The following LRBA variants were observed in gnomAD, a reference collection of about 807,000 sequenced individuals.
LRBA encodes the protein lipopolysaccharide-responsive and beige-like anchor protein.
A neutral mutation model predicts 330.0 loss-of-function variants in LRBA; 176 were observed. The observed-to-expected ratio is 0.53, with a 90% CI of 0.47 to 0.60. LRBA has a LOEUF of 0.60. LRBA is among the 20% of genes least tolerant of loss of function. The probability of loss-of-function intolerance (pLI) is 0.00; values close to 1 mark genes in which losing one functional copy is unlikely to be tolerated. For missense variants in LRBA, 3,259 were observed against 3,444.8 expected, an observed-to-expected ratio of 0.95 and a Z score of 1.35; for synonymous variants, 1,230 against 1,193.0, an observed-to-expected ratio of 1.03 and a Z score of -0.64.
At chr4:150,470,231 T>C (rs1755929655) in intron 43 of LRBA, among the ~76,000 whole-genome samples, 1 of 152,068 alleles carries the variant, frequency 6.6e-6, no homozygotes, top group East Asian at 1.9e-4. Flanking sequence ...ACTATTTCAT[T>C]TCCAACCATT....
At chr4:150,838,271 G>A (rs1403383291) in intron 28 of LRBA, among the ~76,000 whole-genome samples, 2 of 152,012 alleles carry the variant, frequency 1.3e-5, no homozygotes, top group Non-Finnish European at 2.9e-5. Context: ...TATGTGTCTT[G>A]GAGTTGCTCT....
chr4:150,713,871 G>A (rs564994830), intron 36 of LRBA, among the ~76,000 whole-genome samples: 1 of 152,304 alleles, frequency 6.6e-6, no homozygotes, highest in African/African-American at 2.4e-5. Flanking sequence ...CCAAAGACAT[G>A]AGGAACAGAA....
At chr4:150,732,484 G>T (rs1730582383) in intron 36 of LRBA, among the ~76,000 whole-genome samples, 1 of 151,918 alleles carries the variant, frequency 6.6e-6, no homozygotes, top group South Asian at 2.1e-4. Flanking sequence ...TCTTTTTACT[G>T]TCTCTCAACC....
At chr4:150,749,352 T>C (rs1733213686) in intron 35 of LRBA, among the ~76,000 whole-genome samples, 1 of 152,128 alleles carries the variant, frequency 6.6e-6, no homozygotes, top group African/African-American at 2.4e-5. Flanking sequence ...GGAGGATCGC[T>C]TGAGCTCAGG....
chr4:150,418,303 T>C (rs906504916), intron 46 of LRBA, among the ~76,000 whole-genome samples: 3 of 152,316 alleles, frequency 2.0e-5, no homozygotes, highest in Middle Eastern at 6.8e-3. Flanking sequence ...TATTTTTAAA[T>C]ACACATTTAT....
At chr4:150,907,545 A>T (rs1272972430) in intron 11 of LRBA, among the ~76,000 whole-genome samples, 1 of 152,144 alleles carries the variant, frequency 6.6e-6, no homozygotes, top group Non-Finnish European at 1.5e-5. Context: ...TAATGAGGAC[A>T]ATTACCATTA....
At chr4:150,750,076 CT>C (rs1168037592) in intron 35 of LRBA, among the ~76,000 whole-genome samples, 1 of 152,202 alleles carries the variant, frequency 6.6e-6, no homozygotes, top group East Asian at 1.9e-4. Context: ...AGCTACTTCT[CT>C]TCATTCAAAC....
At chr4:150,456,386 C>T (rs1410827747) in intron 44 of LRBA, among the ~76,000 whole-genome samples, 1 of 152,138 alleles carries the variant, frequency 6.6e-6, no homozygotes, top group Non-Finnish European at 1.5e-5. Context: ...GAGATGATAG[C>T]TCATTGAAGC....
chr4:150,513,969 G>A (rs1040115329), intron 40 of LRBA, among the ~76,000 whole-genome samples: 45 of 152,312 alleles, frequency 3.0e-4, no homozygotes, highest in African/African-American at 1.1e-3. Context: ...GTAAGTCTTT[G>A]TCCCTAACCT....
At chr4:150,562,172 C>T (rs1198328695) in intron 40 of LRBA, among the ~76,000 whole-genome samples, 2 of 152,144 alleles carry the variant, frequency 1.3e-5, no homozygotes, top group Non-Finnish European at 2.9e-5. Flanking sequence ...ATACATGAGG[C>T]TATTCAATGC....
At chr4:150,485,057 G>A (rs898984208) in intron 42 of LRBA, among the ~76,000 whole-genome samples, 1 of 151,900 alleles carries the variant, frequency 6.6e-6, no homozygotes, top group African/African-American at 2.4e-5. Flanking sequence ...TATGGTCAAC[G>A]TGATAAATGT....
intron 40 of LRBA, among the ~76,000 whole-genome samples, chr4:150,544,871 C>T (rs1341005476): frequency 6.6e-6 from 1 of 152,134 alleles, no homozygotes; most frequent in Admixed American, 6.6e-5. Flanking sequence ...ATAAAATGTT[C>T]TGATAACCAA....
At chr4:150,570,005 C>T (rs1050509603) in intron 40 of LRBA, among the ~76,000 whole-genome samples, 4 of 152,040 alleles carry the variant, frequency 2.6e-5, no homozygotes, top group Admixed American at 6.6e-5. Flanking sequence ...AAGACTCATA[C>T]CACAATTAGT....
chr4:150,614,784 C>T (rs1775601833), intron 37 of LRBA, among the ~76,000 whole-genome samples: 1 of 152,186 alleles, frequency 6.6e-6, no homozygotes, highest in South Asian at 2.1e-4. Flanking sequence ...TACTCACATT[C>T]CACTCATCTC....
Position 150,828,597 on chromosome 4 carries a change from G to C in LRBA, c.4754C>G (p.Thr1585Ser). 1 of 1,613,924 alleles carries C rather than the reference G, an allele frequency of 6.2e-7. No individual in the cohort carries two copies. Among genetic ancestry groups the C allele is most frequent in the Non-Finnish European group, 8.5e-7 (1 of 1,179,928 alleles). Residue 1585 changes from threonine (T) to serine (S), a missense_variant, in exon 30 of 57, where the codon ACT becomes AGT. Coordinates refer to ENST00000651943, the MANE Select transcript of LRBA (RefSeq NM_001364905.1). ...TTCTTCCACTGATGCCGTAGTTAAAGTGCTGAATGCTGCTGGTGTGATTTC... is the reference window on the plus strand; with the variant it reads ...TTCTTCCACTGATGCCGTAGTTAAACTGCTGAATGCTGCTGGTGTGATTTC... ...LSEITPAAFS[T>S]LTTASVEESE...
intron 36 of LRBA, among the ~76,000 whole-genome samples, chr4:150,700,392 G>T (rs1430701919): frequency 1.3e-5 from 2 of 152,078 alleles, no homozygotes. Flanking sequence ...CACAGAAAAG[G>T]TATGGTAAAA....
intron 53 of LRBA, among the ~76,000 whole-genome samples, chr4:150,290,391 C>CT (rs1728118426): frequency 6.6e-6 from 1 of 152,158 alleles, no homozygotes; most frequent in Non-Finnish European, 1.5e-5. Flanking sequence ...TACAAAAAGT[C>CT]TTTACCTTTG....
intron 44 of LRBA, among the ~76,000 whole-genome samples, chr4:150,463,021 A>T (rs2152053314): frequency 6.6e-6 from 1 of 152,104 alleles, no homozygotes; most frequent in Admixed American, 6.6e-5. Context: ...GGAATGAGGT[A>T]CTTTTACTAA....
At chr4:150,893,371 G>A (rs956209203) in intron 16 of LRBA, among the ~76,000 whole-genome samples, 4 of 151,938 alleles carry the variant, frequency 2.6e-5, no homozygotes, top group East Asian at 1.9e-4. Context: ...TGTGCGGGGG[G>A]GCAGAGTCTC....
Sources: allele counts gnomAD v4.1 joint callset (sites outside exome capture counted in the v4.1 genomes callset), GRCh38; gene constraint gnomAD v4.1.1; transcripts MANE v1.5; gene names NCBI Gene and HGNC (gene_info 2026-07-23, HGNC 2026-07-21).